Variants in CNTNAP4 observed in about 807,000 individuals in gnomAD.
The protein encoded by CNTNAP4 is contactin-associated protein-like 4.
In CNTNAP4, 98 loss-of-function variants were observed where a neutral mutation model predicts 148.4. The ratio of observed to expected loss-of-function variants is 0.66; its 90% confidence interval spans 0.56 to 0.78. The LOEUF is 0.78. Ranked by LOEUF, CNTNAP4 falls within the 30% of genes least tolerant of loss-of-function variation. The probability of loss-of-function intolerance (pLI) is 0.00; values close to 1 mark genes in which losing one functional copy is unlikely to be tolerated. For missense variants in CNTNAP4, 1,935 were observed against 1,565.6 expected (o/e 1.24, Z -3.98); for synonymous variants, 730 against 565.1 (o/e 1.29, Z -4.14).
chr16:76,383,599 G>A (rs1285995794), intron 3 of CNTNAP4, among the ~76,000 whole-genome samples: 1 of 152,030 alleles, frequency 6.6e-6, no homozygotes, highest in African/African-American at 2.4e-5. Flanking sequence ...AAACAATATT[G>A]CATACACTTA....
chr16:76,302,523 C>T lies in CNTNAP4; in HGVS notation c.86-13890C>T, dbSNP rs190507739. Among the ~76,000 whole-genome samples, 216 of 152,190 alleles carry T rather than the reference C, an allele frequency of 1.4e-3. 1 individual carries two copies. Among genetic ancestry groups the T allele is most frequent in the African/African-American group, 5.0e-3 (209 of 41,542 alleles). On this transcript the variant is annotated intron_variant, in intron 1 of 23. Transcript: ENST00000611870. ...CCAGGCCTGTAAGATAAATTTCACC[C>T]ATGCTTCTTATCTCTTTCACTTTTT...
chr16:76,466,365 C>T (rs2081176658), intron 9 of CNTNAP4, among the ~76,000 whole-genome samples: 1 of 152,038 alleles, frequency 6.6e-6, no homozygotes, highest in Non-Finnish European at 1.5e-5. Flanking sequence ...TAACTATAGT[C>T]ATTAATAATT....
intron 3 of CNTNAP4, among the ~76,000 whole-genome samples, chr16:76,416,917 T>C (rs1366253514): frequency 6.6e-6 from 1 of 151,446 alleles, no homozygotes; most frequent in Non-Finnish European, 1.5e-5. Flanking sequence ...TTAGGATTAT[T>C]TTACCATCTT....
intron 3 of CNTNAP4, among the ~76,000 whole-genome samples, chr16:76,388,545 CAAAGT>C (rs2016699062): frequency 6.6e-6 from 1 of 152,132 alleles, no homozygotes. Context: ...AAAATGCACA[CAAAGT>C]AAACAAACAA....
chr16:76,559,795 T>C lies in CNTNAP4; in HGVS notation c.*1112T>C, dbSNP rs973528510. ...ACATATACCCCTTTAGGTGTACATTTTGCTGTGCATAGACTTCCAGTACAT... is the reference window on the plus strand; with the variant it reads ...ACATATACCCCTTTAGGTGTACATTCTGCTGTGCATAGACTTCCAGTACAT... On this transcript the variant is annotated 3_prime_UTR_variant, in exon 24 of 24. Transcript: ENST00000611870. Among the ~76,000 whole-genome samples, 2 of 152,162 alleles carry C rather than the reference T, an allele frequency of 1.3e-5. No individual in the cohort carries two copies. Among genetic ancestry groups the C allele is most frequent in the African/African-American group, 4.8e-5 (2 of 41,452 alleles).
chr16:76,362,679 T>A (rs1327132979), intron 3 of CNTNAP4, among the ~76,000 whole-genome samples: 1 of 152,160 alleles, frequency 6.6e-6, no homozygotes, highest in South Asian at 2.1e-4. Flanking sequence ...CTGCATGTTC[T>A]CACTTATAAA....
chr16:76,435,097 G>T (rs1316751647), intron 4 of CNTNAP4, among the ~76,000 whole-genome samples: 1 of 152,108 alleles, frequency 6.6e-6, no homozygotes, highest in East Asian at 1.9e-4. Flanking sequence ...AGCATACATT[G>T]TCAGTAGGGT....
chr16:76,339,504 A>G (rs1964293326), intron 2 of CNTNAP4, among the ~76,000 whole-genome samples: 1 of 152,162 alleles, frequency 6.6e-6, no homozygotes, highest in South Asian at 2.1e-4. Flanking sequence ...TTCAAAACAC[A>G]TTTCAGACAC....
At chr16:76,470,565 G>A (rs182615845) in intron 10 of CNTNAP4, among the ~76,000 whole-genome samples, 3 of 148,832 alleles carry the variant, frequency 2.0e-5, no homozygotes, top group Non-Finnish European at 4.4e-5. Context: ...CAGGAGAATC[G>A]CTTGAACCCG....
chr16:76,379,899 A>C (rs184910422), intron 3 of CNTNAP4, among the ~76,000 whole-genome samples: 1 of 152,320 alleles, frequency 6.6e-6, no homozygotes, highest in Non-Finnish European at 1.5e-5. Flanking sequence ...TCAGATTTTC[A>C]AAGATATGCT....
chr16:76,286,174 A>AGTGTGT (rs57003243), intron 1 of CNTNAP4, among the ~76,000 whole-genome samples: 3,119 of 134,952 alleles, frequency 0.023, 56 homozygotes, highest in Middle Eastern at 0.062. Context: ...TAGAATTATC[A>AGTGTGT]GTGTGTGTGT....
At chr16:76,435,965 A>G (rs997949495) in intron 4 of CNTNAP4, among the ~76,000 whole-genome samples, 3 of 152,048 alleles carry the variant, frequency 2.0e-5, no homozygotes, top group Admixed American at 6.6e-5. Flanking sequence ...TTCTCTTCAT[A>G]TAAATTAGAA....
intron 1 of CNTNAP4, among the ~76,000 whole-genome samples, chr16:76,294,954 A>T (rs28420872): frequency 1.3e-5 from 2 of 152,122 alleles, no homozygotes; most frequent in Non-Finnish European, 2.9e-5. Flanking sequence ...TTAAGACAAA[A>T]TGTATTGTAT....
rs1451158357 is a variant in CNTNAP4, at chr16:76,560,712, G to A, written c.*2029G>A. Among the ~76,000 whole-genome samples the A allele has an allele frequency of 6.6e-6, 1 of 152,108 alleles. No homozygotes were observed. Among genetic ancestry groups the A allele is most frequent in the Non-Finnish European group, 1.5e-5 (1 of 68,016 alleles). On this transcript the variant is annotated 3_prime_UTR_variant, in exon 24 of 24. Coordinates refer to ENST00000611870, the MANE Select transcript of CNTNAP4 (RefSeq NM_033401.5). ...TGCCATGACTTTAATTTCCTGATTT[G>A]TAATCTCTTATTTTATCATTAATAA... is the stretch of plus-strand genomic sequence containing the variant.
At chr16:76,434,016 T>C (rs1423280388) in intron 4 of CNTNAP4, among the ~76,000 whole-genome samples, 1 of 151,298 alleles carries the variant, frequency 6.6e-6, no homozygotes, top group Non-Finnish European at 1.5e-5. Flanking sequence ...AACTAATATA[T>C]ATATGTGTGT....
At chr16:76,320,464 A>C (rs1292396689) in intron 2 of CNTNAP4, among the ~76,000 whole-genome samples, 1 of 152,198 alleles carries the variant, frequency 6.6e-6, no homozygotes, top group Non-Finnish European at 1.5e-5. Flanking sequence ...TCTGAAGAGA[A>C]CATTAAGGAT....
chr16:76,426,428 A>G (rs1056440953), intron 3 of CNTNAP4, among the ~76,000 whole-genome samples: 5 of 152,160 alleles, frequency 3.3e-5, no homozygotes, highest in Non-Finnish European at 5.9e-5. Context: ...TCCCCTTATT[A>G]TGAAAGAAAG....
intron 8 of CNTNAP4, among the ~76,000 whole-genome samples, chr16:76,460,773 A>AAAAAAAAAAAAAATATATATAT: frequency 7.0e-5 from 4 of 57,324 alleles, no homozygotes; most frequent in East Asian, 5.1e-4. Flanking sequence ...AAAAAAAAAA[A>AAAAAAAAAAAAAATATATATAT]ATATATATAT....
chr16:76,322,239 G>C (rs1246805790), intron 2 of CNTNAP4, among the ~76,000 whole-genome samples: 2 of 152,128 alleles, frequency 1.3e-5, no homozygotes, highest in African/African-American at 4.8e-5. Context: ...TGATATTTCT[G>C]TCTTGAGCCC....
Sources: gnomAD v4.1 joint callset for allele counts (sites outside exome capture counted in the v4.1 genomes callset) on GRCh38, gnomAD v4.1.1 for gene constraint, MANE v1.5 for transcripts, NCBI Gene and HGNC (gene_info 2026-07-23, HGNC 2026-07-21) for gene names.